Variants in SAGE1 observed in about 807,000 individuals in gnomAD.
SAGE1 encodes the protein sarcoma antigen 1.
A neutral mutation model predicts 55.4 loss-of-function variants in SAGE1; 55 were observed. The observed-to-expected ratio is 0.99, with a 90% CI of 0.80 to 1.24. The LOEUF is 1.24. Ranked by LOEUF, SAGE1 falls within the 50% of genes most tolerant of loss-of-function variation. The probability of loss-of-function intolerance (pLI) is 0.00; values close to 1 mark genes in which losing one functional copy is unlikely to be tolerated. For missense variants in SAGE1, 710 were observed against 704.4 expected, an observed-to-expected ratio of 1.01 and a Z score of -0.09; for synonymous variants, 240 against 244.3, an observed-to-expected ratio of 0.98 and a Z score of 0.17.
rs1556599754 is a variant in SAGE1 at position 135,905,269 on chromosome X, A to G, written c.331A>G (p.Asn111Asp). 1 of 1,209,006 alleles carries G rather than the reference A, an allele frequency of 8.3e-7. No homozygotes were observed. Among genetic ancestry groups the G allele is most frequent in the Non-Finnish European group, 1.1e-6 (1 of 893,551 alleles). Residue 111 changes from asparagine to aspartate, a missense_variant, in exon 5 of 20, where the codon AAT becomes GAT. Physicochemically the swap from Asn to Asp is conservative, Grantham distance 23. Transcript: ENST00000370709. ...PPWPDATIAH[N>D]IREERMENGQ... ...GTTTCCAGATGCTACCATCGCTCAC[A>G]ATATCCGTGAAGAGAGGATGGAAAA...
chrX:135,903,104 T>C (rs1556597913), intron 3 of SAGE1, among the ~76,000 whole-genome samples: 1 of 111,276 alleles, frequency 9.0e-6, no homozygotes, highest in African/African-American at 3.3e-5. Flanking sequence ...ATGGGTCCCA[T>C]CCATTTCCTC....
intron 2 of SAGE1, among the ~76,000 whole-genome samples, chrX:135,901,036 G>C (rs1474461055): frequency 9.4e-6 from 1 of 106,379 alleles, no homozygotes; most frequent in African/African-American, 3.5e-5. Context: ...CCAGGAACTC[G>C]GGAAGCTGAG....
intron 6 of SAGE1, 81 bp downstream of exon 6, chrX:135,906,245 G>C: frequency 1.8e-6 from 2 of 1,100,405 alleles, no homozygotes; most frequent in Non-Finnish European, 2.5e-6. Flanking sequence ...AGGTGGTTTT[G>C]TTGTGTTATC....
intron 18 of SAGE1, 77 bp downstream of exon 18, chrX:135,912,030 C>G: frequency 8.7e-7 from 1 of 1,148,339 alleles, no homozygotes; most frequent in South Asian, 2.2e-5. Flanking sequence ...AATTGAGCTG[C>G]CTCTTGAGCT....
intron 13 of SAGE1, 37 bp downstream of exon 13, chrX:135,909,041 T>A: frequency 2.6e-6 from 3 of 1,148,028 alleles, no homozygotes; most frequent in Non-Finnish European, 3.6e-6. Context: ...CATACTTGGT[T>A]TACATATGCA....
intron 2 of SAGE1, among the ~76,000 whole-genome samples, chrX:135,900,814 AT>A (rs2088662532): frequency 2.7e-5 from 3 of 111,052 alleles, no homozygotes; most frequent in African/African-American, 9.8e-5. Context: ...GTATCATCTA[AT>A]AAAGTATTAA....
chrX:135,908,997 G>C lies in SAGE1; in HGVS notation c.1575G>C (p.Lys525Asn). 1.7e-6 allele frequency: 2 copies of C among 1,207,347 alleles called. No homozygotes were observed. Among genetic ancestry groups the C allele is most frequent in the Non-Finnish European group, 1.1e-6 (1 of 892,068 alleles). The change falls in exon 13 of 20, where the codon AAG becomes AAC. Residue 525 changes from lysine (K) to asparagine (N), a missense_variant. Coordinates refer to ENST00000370709, the MANE Select transcript of SAGE1 (RefSeq NM_001381902.1). ...GTGGTATTCCATCCATGAGTACCAAGGATCTGTGTATGTCTGTTAATTAGT... is the reference window on the plus strand; with the variant it reads ...GTGGTATTCCATCCATGAGTACCAACGATCTGTGTATGTCTGTTAATTAGT... ...AAGGIPSMST[K>N]DLYATVTQNV...
chrX:135,898,465 T>A (rs2088622347), intron 2 of SAGE1, among the ~76,000 whole-genome samples: 1 of 112,425 alleles, frequency 8.9e-6, no homozygotes, highest in African/African-American at 3.2e-5. Flanking sequence ...CATGTGCATG[T>A]ATCTTTATAA....
rs2088778127 is a variant in SAGE1 at position 135,905,945 on chromosome X, C to T, written c.455-79C>T. 2.0e-5 allele frequency: 17 copies of T among 839,418 alleles called. No individual in the cohort carries two copies. The South Asian group carries it at 4.8e-4, about 24-fold the overall frequency. 69.2% of individuals were successfully genotyped at this position (839,418 alleles called of 1,213,427 possible). ...GGTTTATGGGATAATTTCCTAGAAA[C>T]TGAGCATCAGAGGGATATACCTGTG... is the stretch of plus-strand genomic sequence containing the variant. On this transcript the variant is annotated intron_variant, in intron 5 of 19. Coordinates refer to ENST00000370709, the MANE Select transcript of SAGE1 (RefSeq NM_001381902.1).
chrX:135,908,528 G>A lies in SAGE1; in HGVS notation c.1352G>A (p.Arg451Gln), dbSNP rs782116354. 9 of 1,207,262 alleles carry A rather than the reference G, an allele frequency of 7.5e-6. No individual in the cohort carries two copies. Among genetic ancestry groups the A allele is most frequent in the Non-Finnish European group, 9.0e-6 (8 of 893,278 alleles). ...VHEARMENGQ[R>Q]KQDNVLSNVL... is the part of the protein sequence containing the mutation. ...GAAGCAAGGATGGAAAATGGCCAAC[G>A]AAAACAGGATAACGTCTTGTCAAAT... Residue 451 changes from arginine (R) to glutamine (Q), a missense_variant, in exon 12 of 20, where the codon CGA becomes CAA. By Grantham distance (43) the Arg-to-Gln change is conservative. Coordinates refer to ENST00000370709, the MANE Select transcript of SAGE1 (RefSeq NM_001381902.1).
Position 135,908,966 on chromosome X carries a change from C to A in SAGE1, c.1544C>A (p.Ala515Asp), listed in dbSNP as rs2148092789. The A allele has an allele frequency of 8.3e-7, 1 of 1,209,349 alleles. No individual in the cohort carries two copies. The highest frequency in any genetic ancestry group is 3.0e-5 in the East Asian group (1 of 33,824). Reference sequence around the variant, plus strand: ...GATGCACCACAGCTTGGTCATATGGCTGCAGGTGGTATTCCATCCATGAGT... The same window carrying A: ...GATGCACCACAGCTTGGTCATATGGATGCAGGTGGTATTCCATCCATGAGT... ...SNDAPQLGHM[A>D]AGGIPSMSTK... The change falls in exon 13 of 20, where the codon GCT becomes GAT. Residue 515 changes from alanine to aspartate, a missense_variant. Coordinates refer to ENST00000370709, the MANE Select transcript of SAGE1 (RefSeq NM_001381902.1).
Position 135,911,787 on chromosome X carries a change from G to A in SAGE1, c.2355G>A (p.Ala785=), listed in dbSNP as rs150124078. The A allele has an allele frequency of 4.7e-4, 563 of 1,208,810 alleles. 1 individual carries two copies. Among genetic ancestry groups the A allele is most frequent in the Non-Finnish European group, 5.8e-4 (520 of 894,199 alleles). The change falls in exon 18 of 20, where the codon GCG becomes GCA. Residue 785 remains alanine (A), a synonymous_variant. Transcript: ENST00000370709. Reference sequence around the variant, plus strand: ...ACAAACCTGATAGTAATGAATTTGCGGTAGGCACCAAAAACTACAGTGTCT... The same window carrying A: ...ACAAACCTGATAGTAATGAATTTGCAGTAGGCACCAAAAACTACAGTGTCT... ...LLYKPDSNEF[A]VGTKNYSVSA... is the part of the protein sequence containing the mutation.
At chrX:135,910,930 A>C (rs1309548824) in intron 16 of SAGE1, among the ~76,000 whole-genome samples, 1 of 112,237 alleles carries the variant, frequency 8.9e-6, no homozygotes, top group Non-Finnish European at 1.9e-5. Context: ...CCCAGCCATG[A>C]GTACCAGGGA....
At chrX:135,905,070 G>A (rs781833481) in intron 4 of SAGE1, among the ~76,000 whole-genome samples, 182 bp from the exon 5 acceptor site, 8 of 111,526 alleles carry the variant, frequency 7.2e-5, no homozygotes, top group Non-Finnish European at 1.3e-4. Flanking sequence ...GTCATGAAGG[G>A]AAGAAGGTGG....
chrX:135,900,100 T>C lies in SAGE1; in HGVS notation c.88-1459T>C, dbSNP rs2088648802. Among the ~76,000 whole-genome samples, 3 of 111,191 alleles carry C rather than the reference T, an allele frequency of 2.7e-5. No homozygotes were observed. The Admixed American group carries it at 2.9e-4, about 11-fold the overall frequency. On this transcript the variant is annotated intron_variant, in intron 2 of 19. Coordinates refer to ENST00000370709, the MANE Select transcript of SAGE1 (RefSeq NM_001381902.1). The stretch of plus-strand genomic sequence containing the variant: ...TTCAAGGGTAATGCTTCCAGGTTTT[T>C]CCCATTCAGTATGATATTGGCTGTG...
At chrX:135,896,019 T>A (rs1170112361) in intron 1 of SAGE1, among the ~76,000 whole-genome samples, 6 of 110,504 alleles carry the variant, frequency 5.4e-5, no homozygotes, top group Non-Finnish European at 1.1e-4. Context: ...ATGACTTAGG[T>A]AAAGGGAGAT....
chrX:135,912,396 C>T lies in SAGE1; in HGVS notation c.2597C>T (p.Thr866Ile). ...MKVKRQFVEFTIKEAARFKKV... is the reference protein window; with the variant it reads ...MKVKRQFVEFIIKEAARFKKV... Reference sequence around the variant, plus strand: ...GTCAAGAGACAATTTGTTGAATTTACCATCAAGGAAGCAGCAAGGTGAGTG... The same window carrying T: ...GTCAAGAGACAATTTGTTGAATTTATCATCAAGGAAGCAGCAAGGTGAGTG... The change falls in exon 19 of 20, where the codon ACC (threonine) becomes ATC (isoleucine). Residue 866 changes from threonine to isoleucine, a missense_variant. By Grantham distance (89) the Thr-to-Ile change is moderately conservative. Transcript: ENST00000370709. 1 of 1,204,975 alleles carries T rather than the reference C, an allele frequency of 8.3e-7. No individual in the cohort carries two copies. The highest frequency in any genetic ancestry group is 1.1e-6 in the Non-Finnish European group (1 of 893,100).
At position 135,896,265 on chromosome X, in the gene SAGE1, C is replaced by T. The variant is rs781964038; in HGVS notation, c.23C>T (p.Thr8Met). 5.8e-6 allele frequency: 7 copies of T among 1,202,366 alleles called. No homozygotes were observed. The highest frequency in any genetic ancestry group is 3.0e-4 in the Middle Eastern group (1 of 3,313). MQASPLQ[T>M]SQPTPPEELH... ...CAGATGCAGGCTTCTCCACTTCAAA[C>T]GAGTCAACCAACTCCACCTGAAGAA... Residue 8 changes from threonine to methionine, a missense_variant, in exon 2 of 20, where the codon ACG becomes ATG. Physicochemically the swap from Thr to Met is moderately conservative, Grantham distance 81 (BLOSUM62 -1). Transcript: ENST00000370709.
At chrX:135,896,129 C>G in intron 1 of SAGE1, 114 bp from the exon 2 acceptor site, 1 of 520,139 alleles carries the variant, frequency 1.9e-6, no homozygotes, top group Non-Finnish European at 3.4e-6. Flanking sequence ...CATGTACTCT[C>G]AAGAGGATCA....
Sources: allele counts gnomAD v4.1 joint callset (sites outside exome capture counted in the v4.1 genomes callset), GRCh38; gene constraint gnomAD v4.1.1; transcripts MANE v1.5; gene names NCBI Gene and HGNC (gene_info 2026-07-23, HGNC 2026-07-21).